SCMH1: variants seen among roughly 807,000 people sequenced by gnomAD.
SCMH1 encodes the protein Scm polycomb group protein homolog 1, also known as polycomb protein SCMH1.
A neutral mutation model predicts 70.8 loss-of-function variants in SCMH1; 37 were observed. That is an observed-to-expected ratio of 0.52 (90% CI 0.40 to 0.69). SCMH1 has a LOEUF of 0.69. SCMH1 is among the 30% of genes least tolerant of loss of function. The pLI, the probability that SCMH1 is intolerant of heterozygous loss-of-function variation, is 0.00. For missense variants in SCMH1, 607 were observed against 827.3 expected, an observed-to-expected ratio of 0.73 and a Z score of 3.27; for synonymous variants, 292 against 307.4, an observed-to-expected ratio of 0.95 and a Z score of 0.52.
At chr1:41,051,909 C>T (rs930789812) in intron 10 of SCMH1, among the ~76,000 whole-genome samples, 3 of 152,118 alleles carry the variant, frequency 2.0e-5, no homozygotes, top group South Asian at 4.1e-4. Context: ...ATATCCTAGG[C>T]CTTCACATTC....
At chr1:41,158,997 G>T (rs1467997642) in intron 4 of SCMH1, among the ~76,000 whole-genome samples, 2 of 152,122 alleles carry the variant, frequency 1.3e-5, no homozygotes, top group Non-Finnish European at 2.9e-5. Flanking sequence ...ATTACGTGAG[G>T]AGGTTCTAAG....
intron 8 of SCMH1, among the ~76,000 whole-genome samples, chr1:41,107,711 G>A (rs1224619485): frequency 6.6e-6 from 1 of 152,066 alleles, no homozygotes; most frequent in Non-Finnish European, 1.5e-5. Flanking sequence ...GTAGAGACGG[G>A]GTTTCACCAT....
intron 13 of SCMH1, among the ~76,000 whole-genome samples, chr1:41,029,624 G>C (rs1035312829): frequency 6.6e-6 from 1 of 152,142 alleles, no homozygotes; most frequent in African/African-American, 2.4e-5. Flanking sequence ...TGGGATCTCT[G>C]TATTTTGACT....
intron 1 of SCMH1, among the ~76,000 whole-genome samples, chr1:41,199,381 T>C (rs1653763117): frequency 6.6e-6 from 1 of 152,212 alleles, no homozygotes; most frequent in African/African-American, 2.4e-5. Context: ...GAATGTTATA[T>C]AAATGAAATC....
At chr1:41,234,079 A>G (rs1291790633) in intron 1 of SCMH1, among the ~76,000 whole-genome samples, 1 of 152,008 alleles carries the variant, frequency 6.6e-6, no homozygotes, top group East Asian at 1.9e-4. Context: ...ACCTCTTCCT[A>G]TCTGGAAGGG....
chr1:41,035,974 G>A (rs1645241586), intron 13 of SCMH1, among the ~76,000 whole-genome samples: 1 of 152,148 alleles, frequency 6.6e-6, no homozygotes, highest in Non-Finnish European at 1.5e-5. Flanking sequence ...ACTCTCTGTA[G>A]TCCTGGCCAC....
chr1:41,239,542 G>T (rs1376363421), intron 1 of SCMH1, among the ~76,000 whole-genome samples: 1 of 152,216 alleles, frequency 6.6e-6, no homozygotes, highest in Non-Finnish European at 1.5e-5. Flanking sequence ...AGCTCCACAA[G>T]ATTGGAAATC....
intron 8 of SCMH1, among the ~76,000 whole-genome samples, chr1:41,110,514 T>C (rs1424536906): frequency 6.6e-6 from 1 of 152,258 alleles, no homozygotes; most frequent in African/African-American, 2.4e-5. Flanking sequence ...TTGCCAATTC[T>C]GGACATTTCA....
intron 5 of SCMH1, among the ~76,000 whole-genome samples, chr1:41,146,545 A>T (rs940997242): frequency 1.8e-4 from 27 of 147,260 alleles, no homozygotes; most frequent in African/African-American, 2.2e-4. Context: ...TTTATACCAT[A>T]TTTTTTTTTT....
chr1:41,027,994 C>A, exon 15 of SCMH1: 1 of 616,690 alleles, frequency 1.6e-6, no homozygotes, highest in East Asian at 2.8e-5. Flanking sequence ...CAGCCCTGGA[C>A]CCCCACTCTC....
intron 2 of SCMH1, among the ~76,000 whole-genome samples, chr1:41,169,261 A>C (rs966140591): frequency 2.0e-5 from 3 of 152,184 alleles, no homozygotes; most frequent in Non-Finnish European, 4.4e-5. Flanking sequence ...TGGATTTATC[A>C]CTGAGATTAG....
chr1:41,116,562 TCTC>T (rs1670517148), intron 7 of SCMH1, among the ~76,000 whole-genome samples: 1 of 152,142 alleles, frequency 6.6e-6, no homozygotes, highest in Non-Finnish European at 1.5e-5. Flanking sequence ...ATAAAAAAAG[TCTC>T]CTTCTTTTCT....
At chr1:41,070,229 A>G (rs1227425200) in intron 10 of SCMH1, among the ~76,000 whole-genome samples, 1 of 152,170 alleles carries the variant, frequency 6.6e-6, no homozygotes, top group East Asian at 1.9e-4. Flanking sequence ...GTTAAAAAAA[A>G]AAAATCAGAG....
chr1:41,111,817 G>A (rs1212347738), intron 8 of SCMH1, among the ~76,000 whole-genome samples: 1 of 152,094 alleles, frequency 6.6e-6, no homozygotes, highest in Non-Finnish European at 1.5e-5. Flanking sequence ...CTCAATTCAA[G>A]TATCAACTTT....
chr1:41,090,765 C>T (rs112847962), intron 8 of SCMH1, among the ~76,000 whole-genome samples: 3,279 of 152,240 alleles, frequency 0.022, 69 homozygotes, highest in South Asian at 0.042. Flanking sequence ...GAAGGCCAGG[C>T]GCGGTGGCTC....
At chr1:41,188,036 T>G (rs1180119390) in intron 1 of SCMH1, among the ~76,000 whole-genome samples, 2 of 152,016 alleles carry the variant, frequency 1.3e-5, no homozygotes, top group African/African-American at 4.8e-5. Flanking sequence ...TAGTATAATC[T>G]TCTTGGAGGA....
chr1:41,070,705 A>G (rs1427258342), exon 10 of SCMH1: 4 of 1,613,996 alleles, frequency 2.5e-6, no homozygotes, highest in Admixed American at 1.7e-5. Context: ...TGGGTTCAGC[A>G]AAGTCCGAGG....
At chr1:41,198,671 T>C (rs1233366744) in intron 1 of SCMH1, among the ~76,000 whole-genome samples, 2 of 152,204 alleles carry the variant, frequency 1.3e-5, no homozygotes, top group African/African-American at 2.4e-5. Context: ...TGCTACAGGG[T>C]GTGACAGTGA....
chr1:41,227,939 T>C (rs746721978), intron 1 of SCMH1, among the ~76,000 whole-genome samples: 10 of 152,034 alleles, frequency 6.6e-5, no homozygotes, highest in Non-Finnish European at 1.0e-4. Context: ...TGAGCTGAGA[T>C]TGCACCATTG....
Sources: allele counts gnomAD v4.1 joint callset (sites outside exome capture counted in the v4.1 genomes callset), GRCh38; gene constraint gnomAD v4.1.1; transcripts MANE v1.5; gene names NCBI Gene and HGNC (gene_info 2026-07-23, HGNC 2026-07-21).